MAGI1: variants seen among roughly 807,000 people sequenced by gnomAD.
MAGI1 encodes the protein membrane-associated guanylate kinase, WW and PDZ domain-containing protein 1.
MAGI1 carries 58 observed loss-of-function variants against 139.9 expected under a neutral mutation model. The ratio of observed to expected loss-of-function variants is 0.41; its 90% CI spans 0.34 to 0.52. The LOEUF (loss-of-function observed/expected upper bound fraction) is 0.52, where lower values mean the gene tolerates loss of function less well. Among genes scored for constraint, MAGI1 ranks in the 20% least tolerant of loss-of-function variants. MAGI1 has a pLI of 0.12. For missense variants in MAGI1, 1,874 were observed against 1,901.6 expected, an observed-to-expected ratio of 0.99 and a Z score of 0.27; for synonymous variants, 812 against 737.9, an observed-to-expected ratio of 1.10 and a Z score of -1.63.
chr3:66,026,267 G>GC (rs2068255927), intron 1 of MAGI1, among the ~76,000 whole-genome samples: 1 of 152,058 alleles, frequency 6.6e-6, no homozygotes, highest in African/African-American at 2.4e-5. Context: ...CACACATCTG[G>GC]CCAGAATAAA....
At chr3:65,377,295 A>G (rs1275839906) in intron 17 of MAGI1, among the ~76,000 whole-genome samples, 2 of 152,218 alleles carry the variant, frequency 1.3e-5, no homozygotes, top group African/African-American at 4.8e-5. Context: ...CCCATACTCA[A>G]ATTCAAGGTC....
At position 65,617,837 on chromosome 3, in the gene MAGI1, C is replaced by T. The variant is rs139725639; in HGVS notation, c.430+4135G>A. Among the ~76,000 whole-genome samples the T allele has an allele frequency of 1.8e-4, 28 of 152,304 alleles. No homozygotes were observed. In the South Asian group the frequency reaches 2.1e-3, roughly 11 times the overall value. On this transcript the variant is annotated intron_variant, in intron 2 of 22. Transcript: ENST00000402939. Reference sequence around the variant, plus strand: ...CATTTGTTCATGCGTTCAACAAATACTTATCCTATAGTCCAGGCACTAAGC... The same window carrying T: ...CATTTGTTCATGCGTTCAACAAATATTTATCCTATAGTCCAGGCACTAAGC...
At chr3:65,879,701 A>G (rs1460835334) in intron 1 of MAGI1, among the ~76,000 whole-genome samples, 1 of 152,202 alleles carries the variant, frequency 6.6e-6, no homozygotes, top group Non-Finnish European at 1.5e-5. Context: ...TAGGTACAAT[A>G]CCTGGTACAT....
intron 2 of MAGI1, among the ~76,000 whole-genome samples, chr3:65,569,273 C>T (rs999188199): frequency 5.3e-5 from 8 of 152,112 alleles, no homozygotes; most frequent in African/African-American, 1.7e-4. Context: ...TTACCAGGGG[C>T]GAGAGGGAGG....
At chr3:65,936,901 AGTTGTTGTTGTT>A (rs149793328) in intron 1 of MAGI1, among the ~76,000 whole-genome samples, 8 of 128,984 alleles carry the variant, frequency 6.2e-5, no homozygotes, top group East Asian at 2.6e-4. Flanking sequence ...TCAGGTTCAA[AGTTGTTGTTGTT>A]GTTGTTGGTG....
At chr3:65,702,979 G>C (rs928363648) in intron 1 of MAGI1, among the ~76,000 whole-genome samples, 2 of 151,886 alleles carry the variant, frequency 1.3e-5, no homozygotes, top group Non-Finnish European at 2.9e-5. Flanking sequence ...ATGATGGAAG[G>C]TACCCACCTT....
chr3:65,762,379 T>A (rs1400107752), intron 1 of MAGI1, among the ~76,000 whole-genome samples: 1 of 151,774 alleles, frequency 6.6e-6, no homozygotes, highest in Non-Finnish European at 1.5e-5. Flanking sequence ...TAATTCATTC[T>A]CCGAACACCA....
intron 12 of MAGI1, chr3:65,401,678 T>A: frequency 1.3e-6 from 2 of 1,544,166 alleles, no homozygotes; most frequent in South Asian, 2.4e-5. Context: ...AGGAGATCTA[T>A]CTGCATTAGC....
intron 18 of MAGI1, among the ~76,000 whole-genome samples, chr3:65,370,418 C>A (rs1941871221): frequency 6.6e-6 from 1 of 152,176 alleles, no homozygotes; most frequent in Non-Finnish European, 1.5e-5. Context: ...ACATGCTCAG[C>A]AGAACATGTA....
chr3:65,419,700 C>A (rs1946503638), intron 12 of MAGI1, among the ~76,000 whole-genome samples: 1 of 152,158 alleles, frequency 6.6e-6, no homozygotes, highest in Admixed American at 6.5e-5. Context: ...AAAGATTCCT[C>A]CCAGGTCAAA....
At chr3:65,944,928 C>T (rs1251512133) in intron 1 of MAGI1, among the ~76,000 whole-genome samples, 2 of 151,916 alleles carry the variant, frequency 1.3e-5, no homozygotes, top group Non-Finnish European at 2.9e-5. Context: ...GTAATATTAG[C>T]ATTCATTCAT....
At chr3:66,013,876 T>G (rs1471953145) in intron 1 of MAGI1, among the ~76,000 whole-genome samples, 1 of 152,256 alleles carries the variant, frequency 6.6e-6, no homozygotes, top group East Asian at 1.9e-4. Context: ...CGTCAATGAT[T>G]TGACTGAAGA....
chr3:65,711,451 C>A (rs1366957930), intron 1 of MAGI1, among the ~76,000 whole-genome samples: 2 of 151,722 alleles, frequency 1.3e-5, no homozygotes, highest in African/African-American at 4.9e-5. Context: ...GAGTTTATAT[C>A]CATAACAAGA....
chr3:65,870,716 GAA>G (rs112844485), intron 1 of MAGI1, among the ~76,000 whole-genome samples: 306 of 124,908 alleles, frequency 2.4e-3, no homozygotes, highest in African/African-American at 8.1e-3. Flanking sequence ...CCATTTTAGT[GAA>G]AAAAAAAAAA....
intron 1 of MAGI1, among the ~76,000 whole-genome samples, chr3:65,693,208 G>A (rs549642358): frequency 3.9e-5 from 6 of 152,152 alleles, no homozygotes; most frequent in African/African-American, 7.2e-5. Context: ...GCCTCCCAAA[G>A]TGCTGGGATT....
At chr3:65,733,079 G>A (rs865851268) in intron 1 of MAGI1, among the ~76,000 whole-genome samples, 4 of 151,964 alleles carry the variant, frequency 2.6e-5, no homozygotes, top group Admixed American at 2.0e-4. Flanking sequence ...TTTTTGAGAT[G>A]GAGTTTTGCT....
chr3:65,467,277 T>C (rs997178706), intron 5 of MAGI1, among the ~76,000 whole-genome samples: 1 of 152,338 alleles, frequency 6.6e-6, no homozygotes, highest in African/African-American at 2.4e-5. Context: ...ATAAAACAAA[T>C]GTGTATATAT....
At position 65,897,474 on chromosome 3, in the gene MAGI1, G is replaced by C. The variant is rs114205307; in HGVS notation, c.313+140522C>G. On this transcript the variant is annotated intron_variant, in intron 1 of 22. Transcript: ENST00000402939. Reference sequence around the variant, plus strand: ...CACACCCTGGGGCCTGCTGTGGGGTGGGGGGCAGGGGCGGAATAGCATTAG... The same window carrying C: ...CACACCCTGGGGCCTGCTGTGGGGTCGGGGGCAGGGGCGGAATAGCATTAG... Among the ~76,000 whole-genome samples, 1,107 of 152,028 alleles carry C rather than the reference G, an allele frequency of 7.3e-3. 14 individuals are homozygous for C. Among genetic ancestry groups the C allele is most frequent in the African/African-American group, 0.025 (1,049 of 41,444 alleles).
chr3:65,602,084 G>A (rs995835251), intron 2 of MAGI1, among the ~76,000 whole-genome samples: 1 of 152,070 alleles, frequency 6.6e-6, no homozygotes, highest in Non-Finnish European at 1.5e-5. Context: ...AGTAAGTAAC[G>A]ATGTTGATAA....
Sources: allele counts gnomAD v4.1 joint callset (sites outside exome capture counted in the v4.1 genomes callset), GRCh38; gene constraint gnomAD v4.1.1; transcripts MANE v1.5; gene names NCBI Gene and HGNC (gene_info 2026-07-23, HGNC 2026-07-21).